The following DPP10 variants were observed in gnomAD, a reference collection of about 807,000 sequenced individuals.
DPP10 encodes the protein inactive dipeptidyl peptidase 10.
DPP10 carries 33 observed loss-of-function variants against 120.9 expected under a neutral mutation model. That is an observed-to-expected ratio of 0.27 (90% confidence interval 0.21 to 0.37). The LOEUF (loss-of-function observed/expected upper bound fraction) is 0.37. Among genes scored for constraint, DPP10 ranks in the 10% least tolerant of loss-of-function variants. The pLI is 1.00. For missense variants in DPP10, 816 were observed against 942.8 expected, an observed-to-expected ratio of 0.87 and a Z score of 1.76; for synonymous variants, 337 against 326.1, an observed-to-expected ratio of 1.03 and a Z score of -0.36.
At chr2:114,519,529 G>A (rs975039301) in intron 1 of DPP10, among the ~76,000 whole-genome samples, 4 of 152,166 alleles carry the variant, frequency 2.6e-5, no homozygotes, top group African/African-American at 9.7e-5. Context: ...TGCACACCCT[G>A]GTAACCTAAA....
intron 5 of DPP10, among the ~76,000 whole-genome samples, chr2:115,676,938 G>A (rs114403171): frequency 0.011 from 1,668 of 152,234 alleles, 37 homozygotes; most frequent in African/African-American, 0.039. Flanking sequence ...CAAGAGGAAA[G>A]CATCAAGACA....
chr2:115,721,798 G>A (rs543360610), intron 7 of DPP10, among the ~76,000 whole-genome samples: 145 of 152,132 alleles, frequency 9.5e-4, no homozygotes, highest in Non-Finnish European at 1.4e-3. Context: ...AGAGTTATTA[G>A]CACTCCTATG....
chr2:115,454,043 A>G (rs1007991184), intron 3 of DPP10, among the ~76,000 whole-genome samples: 3 of 151,604 alleles, frequency 2.0e-5, no homozygotes, highest in Non-Finnish European at 3.0e-5. Flanking sequence ...AGAATTTGAG[A>G]GTATGAATAA....
intron 2 of DPP10, among the ~76,000 whole-genome samples, chr2:115,322,932 A>G (rs575316825): frequency 6.6e-6 from 1 of 152,212 alleles, no homozygotes; most frequent in African/African-American, 2.4e-5. Context: ...TCTTTTTGTC[A>G]GTAGAGGGTC....
At chr2:115,350,171 A>C (rs1289415439) in intron 3 of DPP10, among the ~76,000 whole-genome samples, 1 of 152,070 alleles carries the variant, frequency 6.6e-6, no homozygotes, top group African/African-American at 2.4e-5. Flanking sequence ...AGCTGTAAAA[A>C]TTAATATTTA....
intron 3 of DPP10, among the ~76,000 whole-genome samples, chr2:115,469,681 C>T (rs897575732): frequency 6.6e-6 from 1 of 151,976 alleles, no homozygotes; most frequent in Non-Finnish European, 1.5e-5. Flanking sequence ...GGTGGATCAC[C>T]TGAGAGCGGG....
At chr2:115,376,685 A>C (rs1266373702) in intron 3 of DPP10, among the ~76,000 whole-genome samples, 2 of 146,960 alleles carry the variant, frequency 1.4e-5, no homozygotes, top group African/African-American at 5.0e-5. Flanking sequence ...ATATCTCCCA[A>C]TGCTATCCAT....
At chr2:115,018,732 G>A (rs777570780) in intron 1 of DPP10, among the ~76,000 whole-genome samples, 1 of 152,088 alleles carries the variant, frequency 6.6e-6, no homozygotes, top group Non-Finnish European at 1.5e-5. Context: ...GGCTAGGGGA[G>A]GGATAGCATT....
chr2:115,543,268 T>C (rs1558825132), intron 5 of DPP10, among the ~76,000 whole-genome samples: 1 of 152,038 alleles, frequency 6.6e-6, no homozygotes, highest in Non-Finnish European at 1.5e-5. Context: ...TTATGTGATC[T>C]AAGTCAAGTC....
At chr2:115,483,420 G>A (rs1442527555) in intron 3 of DPP10, among the ~76,000 whole-genome samples, 3 of 150,650 alleles carry the variant, frequency 2.0e-5, no homozygotes, top group Non-Finnish European at 4.4e-5. Flanking sequence ...TTCACTGCCT[G>A]ATATGTCTAT....
At chr2:115,001,703 G>T (rs544229077) in intron 1 of DPP10, among the ~76,000 whole-genome samples, 1 of 152,042 alleles carries the variant, frequency 6.6e-6, no homozygotes, top group African/African-American at 2.4e-5. Flanking sequence ...TTTTTTAAAT[G>T]TACAAAAGTC....
intron 1 of DPP10, among the ~76,000 whole-genome samples, chr2:115,222,859 C>T (rs1215958370): frequency 6.6e-6 from 1 of 151,904 alleles, no homozygotes; most frequent in Non-Finnish European, 1.5e-5. Flanking sequence ...GTCTATAATT[C>T]CACTGACTTT....
intron 1 of DPP10, among the ~76,000 whole-genome samples, chr2:115,241,774 A>G (rs924820755): frequency 1.3e-5 from 2 of 152,168 alleles, no homozygotes; most frequent in Admixed American, 6.5e-5. Context: ...TTTATTCTTC[A>G]TCTTTGCTAA....
intron 1 of DPP10, among the ~76,000 whole-genome samples, chr2:115,037,421 T>G (rs1379036491): frequency 6.6e-6 from 1 of 152,214 alleles, no homozygotes; most frequent in Admixed American, 6.5e-5. Flanking sequence ...CATTCATTCA[T>G]ATTTTTTTCT....
intron 1 of DPP10, among the ~76,000 whole-genome samples, chr2:115,033,330 A>G (rs1007844950): frequency 1.3e-5 from 2 of 151,542 alleles, no homozygotes; most frequent in African/African-American, 4.9e-5. Flanking sequence ...CTCAGACCCT[A>G]CTCCATCCAT....
intron 5 of DPP10, among the ~76,000 whole-genome samples, chr2:115,556,008 C>T (rs2080187522): frequency 6.6e-6 from 1 of 152,160 alleles, no homozygotes; most frequent in East Asian, 1.9e-4. Context: ...TTAGCATGGA[C>T]TACCTTTGAA....
At chr2:115,514,419 A>G (rs189566957) in intron 4 of DPP10, among the ~76,000 whole-genome samples, 12 of 151,798 alleles carry the variant, frequency 7.9e-5, no homozygotes, top group African/African-American at 2.6e-4. Flanking sequence ...AATATTGGAT[A>G]TGTCTCACTC....
chr2:115,396,269 T>C (rs2067670660), intron 3 of DPP10, among the ~76,000 whole-genome samples: 1 of 152,178 alleles, frequency 6.6e-6, no homozygotes, highest in South Asian at 2.1e-4. Context: ...GTACAGAACT[T>C]TTTTAGAAAT....
At chr2:114,941,060 TTC>T (rs1422392111) in intron 1 of DPP10, among the ~76,000 whole-genome samples, 1 of 152,214 alleles carries the variant, frequency 6.6e-6, no homozygotes, top group East Asian at 1.9e-4. Flanking sequence ...GAATACTTTT[TTC>T]TTAGAACTTG....
Sources: allele counts gnomAD v4.1 joint callset (sites outside exome capture counted in the v4.1 genomes callset), GRCh38; gene constraint gnomAD v4.1.1; transcripts MANE v1.5; gene names NCBI Gene and HGNC (gene_info 2026-07-23, HGNC 2026-07-21).